Variants in COL4A6 observed in about 807,000 individuals in gnomAD.
The protein encoded by COL4A6 is collagen type IV alpha 6 chain.
COL4A6 carries 59 observed loss-of-function variants against 126.7 expected under a neutral mutation model. That is an observed-to-expected ratio of 0.47 (90% CI 0.38 to 0.58). COL4A6 has a LOEUF of 0.58. Ranked by LOEUF, COL4A6 falls within the 20% of genes least tolerant of loss-of-function variation. The pLI, the probability that COL4A6 is intolerant of heterozygous loss-of-function variation, is 0.00. For missense variants in COL4A6, 1,285 were observed against 1,337.3 expected, an observed-to-expected ratio of 0.96 and a Z score of 0.61; for synonymous variants, 547 against 496.6, an observed-to-expected ratio of 1.10 and a Z score of -1.35.
intron 3 of COL4A6, among the ~76,000 whole-genome samples, chrX:108,225,076 A>C (rs1412807612): frequency 2.7e-5 from 3 of 110,139 alleles, no homozygotes. Context: ...GGCCGAGAGA[A>C]GAGGAAGGAC....
intron 2 of COL4A6, among the ~76,000 whole-genome samples, chrX:108,361,438 A>C (rs1307535424): frequency 8.9e-6 from 1 of 111,904 alleles, no homozygotes; most frequent in Non-Finnish European, 1.9e-5. Flanking sequence ...ACAAATATTT[A>C]TAGAGGGCTT....
chrX:108,176,851 A>T lies in COL4A6; in HGVS notation c.2676T>A (p.Ser892=). 8.3e-7 allele frequency: 1 copy of T among 1,207,894 alleles called. No homozygotes were observed. Among genetic ancestry groups the T allele is most frequent in the Non-Finnish European group, 1.1e-6 (1 of 894,342 alleles). Residue 892 remains serine, a synonymous_variant, in exon 28 of 45, where the codon TCT becomes TCA. Transcript: ENST00000334504. ...SPGVAGLPAL[S]GPKGEKGSVG... Reference sequence around the variant, plus strand: ...GATCACTTCACTTACCCTTGGGTCCAGAGAGGGCTGGCAACCCAGCGACCC... The same window carrying T: ...GATCACTTCACTTACCCTTGGGTCCTGAGAGGGCTGGCAACCCAGCGACCC...
At chrX:108,256,372 A>G (rs1163027395) in intron 3 of COL4A6, among the ~76,000 whole-genome samples, 3 of 112,250 alleles carry the variant, frequency 2.7e-5, no homozygotes, top group Non-Finnish European at 5.6e-5. Context: ...AATAATAACT[A>G]ACACTTTACA....
Position 108,190,614 on chromosome X carries a change from A to G in COL4A6, c.1322-118T>C, listed in dbSNP as rs565674006. ...TCCTTGAGGCTGAACAACAGAGCAG[A>G]GACAAAAAAATAAAATTCAAGACCG... On this transcript the variant is annotated intron_variant, in intron 19 of 44. Transcript: ENST00000334504. The G allele has an allele frequency of 3.2e-4, 140 of 431,534 alleles. 2 individuals carry two copies. The South Asian group carries it at 6.0e-3, about 18-fold the overall frequency. 35.6% of individuals were successfully genotyped at this position (431,534 alleles called of 1,213,427 possible). A position where few individuals can be genotyped will look rare whatever the true frequency, so the allele number is the denominator to read the frequency against.
chrX:108,167,186 T>C (rs1414412156), intron 37 of COL4A6, among the ~76,000 whole-genome samples: 1 of 112,549 alleles, frequency 8.9e-6, no homozygotes, highest in Non-Finnish European at 1.9e-5. Flanking sequence ...CAGCCCATTT[T>C]TCCAACTCAG....
chrX:108,360,360 T>G (rs187880270), intron 2 of COL4A6, among the ~76,000 whole-genome samples: 1 of 111,737 alleles, frequency 8.9e-6, no homozygotes, highest in Admixed American at 9.5e-5. Flanking sequence ...ACTGATAATA[T>G]TTGGGAGACA....
At chrX:108,380,319 T>C (rs2040535244) in intron 2 of COL4A6, among the ~76,000 whole-genome samples, 1 of 112,445 alleles carries the variant, frequency 8.9e-6, no homozygotes, top group African/African-American at 3.2e-5. Flanking sequence ...TGAATTGCCA[T>C]TTAAGAAAAA....
At chrX:108,177,678 G>A (rs1174282746) in intron 27 of COL4A6, among the ~76,000 whole-genome samples, 1 of 112,163 alleles carries the variant, frequency 8.9e-6, no homozygotes, top group Non-Finnish European at 1.9e-5. Context: ...GGAATGTTCA[G>A]GTACAAAGCA....
Position 108,356,190 on chromosome X carries a change from C to T in COL4A6, c.64-45362G>A, listed in dbSNP as rs771705359. 3.0e-5 allele frequency among the ~76,000 whole-genome samples: 3 copies of T among 100,365 alleles called. No individual in the cohort carries two copies. The Admixed American group carries it at 3.5e-4, about 12-fold the overall frequency. The allele number at this position is 100,365 out of a possible 115,157, so 87.2% of individuals were successfully genotyped here. On this transcript the variant is annotated intron_variant, in intron 2 of 44. Transcript: ENST00000334504. ...TTCCATTCCCACCTATGAGTGAGAA[C>T]ATGCGGTGTTTGGTTTTTTGTCCTT...
chrX:108,206,416 C>T, intron 9 of COL4A6, 102 bp downstream of exon 9: 2 of 889,741 alleles, frequency 2.2e-6, no homozygotes, highest in Non-Finnish European at 3.3e-6. Flanking sequence ...CTTGCTCACC[C>T]AGGAGGACCT....
At chrX:108,207,533 T>C (rs1409368371) in intron 8 of COL4A6, among the ~76,000 whole-genome samples, 1 of 111,129 alleles carries the variant, frequency 9.0e-6, no homozygotes, top group African/African-American at 3.3e-5. Context: ...GAGAGAGGGA[T>C]GGATAGATAG....
chrX:108,313,482 GT>G (rs899895679), intron 2 of COL4A6, among the ~76,000 whole-genome samples: 1 of 111,476 alleles, frequency 9.0e-6, no homozygotes, highest in Admixed American at 9.5e-5. Context: ...TAATAAAAAT[GT>G]AAGCAAAAAA....
At chrX:108,160,700 C>G in intron 42 of COL4A6, 46 bp from the exon 43 acceptor site, 1 of 1,066,146 alleles carries the variant, frequency 9.4e-7, no homozygotes, top group Non-Finnish European at 1.3e-6. Context: ...CAGCTAATGA[C>G]AACATCAGCT....
intron 3 of COL4A6, among the ~76,000 whole-genome samples, chrX:108,279,848 A>G (rs1032458462): frequency 8.9e-6 from 1 of 112,002 alleles, no homozygotes; most frequent in Non-Finnish European, 1.9e-5. Flanking sequence ...CTCAATCAAA[A>G]CCGCACAACT....
chrX:108,408,845 C>T (rs182740710), intron 2 of COL4A6, among the ~76,000 whole-genome samples: 10 of 111,119 alleles, frequency 9.0e-5, no homozygotes, highest in East Asian at 5.7e-4. Context: ...CCTATAATCC[C>T]GGCTACTCAG....
chrX:108,228,672 G>T (rs138723223), intron 3 of COL4A6, among the ~76,000 whole-genome samples: 16 of 112,150 alleles, frequency 1.4e-4, no homozygotes, highest in Non-Finnish European at 3.0e-4. Flanking sequence ...ACAGAGTGAA[G>T]GGTGGGGGAA....
chrX:108,437,200 A>G (rs1332510172), intron 2 of COL4A6, among the ~76,000 whole-genome samples: 1 of 112,143 alleles, frequency 8.9e-6, no homozygotes, highest in Non-Finnish European at 1.9e-5. Flanking sequence ...TATCCTAGTA[A>G]TTCCACTGGA....
intron 3 of COL4A6, among the ~76,000 whole-genome samples, chrX:108,227,612 G>A (rs1054532175): frequency 1.8e-5 from 2 of 111,695 alleles, no homozygotes; most frequent in Non-Finnish European, 1.9e-5. Context: ...CCAATTTGTC[G>A]AAAGAGTTAT....
chrX:108,400,937 T>G (rs138131701), intron 2 of COL4A6, among the ~76,000 whole-genome samples: 1,244 of 111,806 alleles, frequency 0.011, 21 homozygotes, highest in African/African-American at 0.037. Flanking sequence ...TCCTTAGAAT[T>G]TAGAAAGTCA....
Sources: gnomAD v4.1 joint callset for allele counts (sites outside exome capture counted in the v4.1 genomes callset) on GRCh38, gnomAD v4.1.1 for gene constraint, MANE v1.5 for transcripts, NCBI Gene and HGNC (gene_info 2026-07-23, HGNC 2026-07-21) for gene names.